CPA6: variants seen among roughly 807,000 people sequenced by gnomAD.
The protein encoded by CPA6 is carboxypeptidase A6, also known as carboxypeptidase B.
In CPA6, 58 loss-of-function variants were observed where a neutral mutation model predicts 63.3. The observed-to-expected ratio is 0.92, with a 90% CI of 0.74 to 1.14. The LOEUF is 1.14. Ranked by LOEUF, CPA6 falls within the 50% of genes most tolerant of loss-of-function variation. The pLI is 0.00. For synonymous variants in CPA6, 185 were observed against 179.0 expected, an observed-to-expected ratio of 1.03 and a Z score of -0.27; for missense variants, 565 against 526.6, an observed-to-expected ratio of 1.07 and a Z score of -0.71.
chr8:67,427,107 A>C (rs1005583224), intron 10 of CPA6, among the ~76,000 whole-genome samples: 2 of 152,246 alleles, frequency 1.3e-5, no homozygotes, highest in African/African-American at 4.8e-5. Context: ...TGCAGCAAAC[A>C]GTAAAGATTC....
chr8:67,639,867 A>C (rs1815550225), intron 1 of CPA6, among the ~76,000 whole-genome samples: 1 of 151,504 alleles, frequency 6.6e-6, no homozygotes, highest in African/African-American at 2.5e-5. Flanking sequence ...AGAATAGCTC[A>C]GAGGAGACCT....
At chr8:67,662,572 C>T (rs1219070453) in intron 1 of CPA6, among the ~76,000 whole-genome samples, 2 of 127,526 alleles carry the variant, frequency 1.6e-5, no homozygotes, top group South Asian at 2.5e-4. Flanking sequence ...ATATAGAATA[C>T]ATACACATGT....
intron 1 of CPA6, among the ~76,000 whole-genome samples, chr8:67,723,346 A>G (rs79751912): frequency 6.6e-6 from 1 of 152,304 alleles, no homozygotes; most frequent in Non-Finnish European, 1.5e-5. Flanking sequence ...TTTTTATTTA[A>G]ATAGAGACGA....
At chr8:67,640,042 C>T (rs1815554611) in intron 1 of CPA6, among the ~76,000 whole-genome samples, 1 of 151,302 alleles carries the variant, frequency 6.6e-6, no homozygotes, top group African/African-American at 2.5e-5. Context: ...GTCCCATCAT[C>T]TCCTTGAGTC....
intron 1 of CPA6, among the ~76,000 whole-genome samples, chr8:67,670,275 A>C (rs1414484851): frequency 6.6e-6 from 1 of 152,102 alleles, no homozygotes; most frequent in Non-Finnish European, 1.5e-5. Flanking sequence ...ATCATGGAGG[A>C]AGGTGAGGGG....
At chr8:67,431,485 C>T (rs1810026236) in intron 9 of CPA6, among the ~76,000 whole-genome samples, 1 of 152,122 alleles carries the variant, frequency 6.6e-6, no homozygotes. Context: ...AGCTTGGCCT[C>T]CCAAAGTGCT....
intron 1 of CPA6, among the ~76,000 whole-genome samples, chr8:67,703,650 C>T (rs62511411): frequency 0.035 from 5,301 of 152,288 alleles, 120 homozygotes; most frequent in Non-Finnish European, 0.047. Context: ...TGTCTGGCAG[C>T]GAAGACATGG....
At chr8:67,678,262 C>CACACACACACACACAA (rs1816521568) in intron 1 of CPA6, among the ~76,000 whole-genome samples, 1 of 151,490 alleles carries the variant, frequency 6.6e-6, no homozygotes, top group African/African-American at 2.4e-5. Flanking sequence ...CACACACACA[C>CACACACACACACACAA]AAACCCTGAT....
intron 8 of CPA6, among the ~76,000 whole-genome samples, chr8:67,475,861 TTC>T (rs1811196121): frequency 4.0e-5 from 4 of 98,974 alleles, no homozygotes; most frequent in African/African-American, 1.3e-4. Flanking sequence ...CTTTCTTTCT[TTC>T]TTTCTTTCTT....
intron 6 of CPA6, among the ~76,000 whole-genome samples, chr8:67,494,708 C>G (rs148108811): frequency 1.5e-3 from 228 of 152,316 alleles, no homozygotes; most frequent in African/African-American, 5.2e-3. Flanking sequence ...ACTAGGCGAT[C>G]CTAAATATAG....
intron 1 of CPA6, among the ~76,000 whole-genome samples, chr8:67,684,962 C>G (rs534657907): frequency 6.6e-6 from 1 of 152,286 alleles, no homozygotes; most frequent in Admixed American, 6.5e-5. Context: ...TTACCCTGCC[C>G]TGCTCCTTGG....
Position 67,422,602 on chromosome 8 carries a change from C to A in CPA6, c.1216G>T (p.Gly406Ter), listed in dbSNP as rs1809789548. The change falls in exon 11 of 11, where the codon GGA (glycine) becomes TGA (stop). Residue 406 changes from glycine (G) to a stop codon, truncating the protein, a stop_gained. Coordinates refer to ENST00000297770, the MANE Select transcript of CPA6 (RefSeq NM_020361.5). LOFTEE classifies it high-confidence loss of function. ...AFELRDTGYF[G>*]FLLPEMLIKP... ...ATGAGCATCTCTGGGAGTAAAAATC[C>A]AAAATATCCAGTGTCACGTAGTTCG... The A allele has an allele frequency of 1.9e-6, 3 of 1,613,772 alleles. No individual in the cohort carries two copies. Among genetic ancestry groups the A allele is most frequent in the Non-Finnish European group, 2.5e-6 (3 of 1,179,960 alleles).
Position 67,572,749 on chromosome 8 carries a change from A to G in CPA6, c.192+51427T>C, listed in dbSNP as rs369476484. On this transcript the variant is annotated intron_variant, in intron 2 of 10. Coordinates refer to ENST00000297770, the MANE Select transcript of CPA6 (RefSeq NM_020361.5). The stretch of plus-strand genomic sequence containing the variant: ...TAATTCTCTACAGACTTCCAAAAAA[A>G]CTGAAGAGAAGAGAATACTTCCAAA... Among the ~76,000 whole-genome samples, 4 of 152,370 alleles carry G rather than the reference A, an allele frequency of 2.6e-5. No individual in the cohort carries two copies. The East Asian group carries it at 5.8e-4, about 22-fold the overall frequency.
chr8:67,599,499 T>C (rs568904780), intron 2 of CPA6, among the ~76,000 whole-genome samples: 14 of 152,300 alleles, frequency 9.2e-5, no homozygotes, highest in African/African-American at 3.4e-4. Flanking sequence ...GTGCTTCCCC[T>C]TATGGCCTAA....
At chr8:67,562,134 G>T (rs2128974670) in intron 2 of CPA6, among the ~76,000 whole-genome samples, 1 of 152,310 alleles carries the variant, frequency 6.6e-6, no homozygotes, top group East Asian at 1.9e-4. Flanking sequence ...GAGAAGAGCA[G>T]TGTCAATACG....
intron 2 of CPA6, among the ~76,000 whole-genome samples, chr8:67,543,187 T>C (rs1812742832): frequency 6.6e-6 from 1 of 152,228 alleles, no homozygotes; most frequent in African/African-American, 2.4e-5. Context: ...ATGCATATAC[T>C]GCATTACAGC....
Position 67,728,129 on chromosome 8 carries a change from AAAAC to A in CPA6, c.116+17881_116+17884del, listed in dbSNP as rs1358615155. ...ACAAAAACCAACAAAACAACAACAA[AAAAC>A]AAACAAAACAAAACAAAACAAAACA... On this transcript the variant is annotated intron_variant, in intron 1 of 10. Coordinates refer to ENST00000297770, the MANE Select transcript of CPA6 (RefSeq NM_020361.5). Among the ~76,000 whole-genome samples the A allele has an allele frequency of 7.9e-3, 547 of 68,878 alleles. 2 individuals are homozygous for A. The highest frequency in any genetic ancestry group is 0.024 in the Middle Eastern group (4 of 170). 45.2% of individuals were successfully genotyped at this position (68,878 alleles called of 152,430 possible).
chr8:67,547,289 G>A (rs113223175), intron 2 of CPA6, among the ~76,000 whole-genome samples: 11 of 152,032 alleles, frequency 7.2e-5, no homozygotes, highest in Admixed American at 5.2e-4. Flanking sequence ...CTGGTGATCC[G>A]CCCGCCTCGG....
rs547543850 is a variant in CPA6, at chr8:67,436,140, C to T, written c.839-1900G>A. Among the ~76,000 whole-genome samples the T allele has an allele frequency of 9.2e-5, 14 of 152,260 alleles. No homozygotes were observed. The East Asian group carries it at 2.7e-3, about 29-fold the overall frequency. The stretch of plus-strand genomic sequence containing the variant: ...CTGTCCCCTCACCCACCAGCTATTT[C>T]CCCAGTGTAGAGTGGGCAATTCTCA... On this transcript the variant is annotated intron_variant, in intron 8 of 10. Transcript: ENST00000297770.
Sources: allele counts gnomAD v4.1 joint callset (sites outside exome capture counted in the v4.1 genomes callset), GRCh38; gene constraint gnomAD v4.1.1; transcripts MANE v1.5; gene names NCBI Gene and HGNC (gene_info 2026-07-23, HGNC 2026-07-21).